The following ADAMTS9 variants were observed in gnomAD, a reference collection of about 807,000 sequenced individuals.
The protein encoded by ADAMTS9 is ADAM metallopeptidase with thrombospondin type 1 motif 9.
In ADAMTS9, 107 loss-of-function variants were observed where a neutral mutation model predicts 257.1. That is an observed-to-expected ratio of 0.42 (90% confidence interval 0.36 to 0.49). The LOEUF is 0.49. Ranked by LOEUF, ADAMTS9 falls within the 20% of genes least tolerant of loss-of-function variation. ADAMTS9 has a pLI of 0.03. For synonymous variants in ADAMTS9, 982 were observed against 880.9 expected, an observed-to-expected ratio of 1.11 and a Z score of -2.03; for missense variants, 2,353 against 2,469.1, an observed-to-expected ratio of 0.95 and a Z score of 1.00.
intron 16 of ADAMTS9, among the ~76,000 whole-genome samples, chr3:64,624,307 G>C (rs1700177058): frequency 6.9e-6 from 1 of 145,230 alleles, no homozygotes; most frequent in Non-Finnish European, 1.5e-5. Flanking sequence ...AGGAAGGAGG[G>C]AAGAAAAGAA....
chr3:64,603,132 A>G (rs2084495900), intron 25 of ADAMTS9, among the ~76,000 whole-genome samples: 1 of 152,164 alleles, frequency 6.6e-6, no homozygotes, highest in Non-Finnish European at 1.5e-5. Flanking sequence ...AGCCCTGTAA[A>G]GTAGTATTCT....
intron 26 of ADAMTS9, among the ~76,000 whole-genome samples, chr3:64,597,661 G>A (rs1033175164): frequency 2.6e-5 from 4 of 152,052 alleles, no homozygotes; most frequent in Non-Finnish European, 5.9e-5. Flanking sequence ...CTCTTCGGCC[G>A]TGCTTTCAGC....
At chr3:64,632,596 T>C (rs557808164) in intron 14 of ADAMTS9, among the ~76,000 whole-genome samples, 6 of 152,152 alleles carry the variant, frequency 3.9e-5, no homozygotes, top group Non-Finnish European at 7.4e-5. Context: ...TACACTGAAC[T>C]CTGAAACATA....
rs2083143235 is a variant in ADAMTS9 at position 64,542,774 on chromosome 3, A to T, written c.5065-804T>A. ...AAGAAATAACTAAGATCAGAGCAGA[A>T]CTGAAGGAGATAGAGACACAAAAAG... On this transcript the variant is annotated intron_variant, in intron 32 of 39. Transcript: ENST00000498707. Among the ~76,000 whole-genome samples, 4 of 152,178 alleles carry T rather than the reference A, an allele frequency of 2.6e-5. No homozygotes were observed. The South Asian group carries it at 8.3e-4, about 32-fold the overall frequency.
At chr3:64,541,456 G>A in intron 34 of ADAMTS9, 42 bp from the exon 35 acceptor site, 1 of 1,608,026 alleles carries the variant, frequency 6.2e-7, no homozygotes, top group African/African-American at 1.3e-5. Context: ...GCTCAGAAAT[G>A]AGGTAATGAG....
chr3:64,650,101 A>T (rs1700894877), intron 9 of ADAMTS9: 1 of 220,950 alleles, frequency 4.5e-6, no homozygotes, highest in South Asian at 1.3e-4. Flanking sequence ...AAGGGCAAAG[A>T]TAGTGTCTTT....
intron 31 of ADAMTS9, among the ~76,000 whole-genome samples, chr3:64,547,727 G>T (rs2083221188): frequency 2.0e-5 from 3 of 151,958 alleles, no homozygotes; most frequent in Admixed American, 1.3e-4. Context: ...TCTACCTCTT[G>T]CTCTATATCA....
intron 38 of ADAMTS9, among the ~76,000 whole-genome samples, chr3:64,527,478 G>C (rs1225263391): frequency 6.6e-6 from 1 of 151,986 alleles, no homozygotes; most frequent in Non-Finnish European, 1.5e-5. Context: ...CTGAGTTGGG[G>C]GTGGAGGTGG....
chr3:64,615,820 C>A, intron 20 of ADAMTS9, 140 bp downstream of exon 20: 4 of 1,017,304 alleles, frequency 3.9e-6, no homozygotes, highest in Non-Finnish European at 4.4e-6. Flanking sequence ...TTCTGGAAAG[C>A]TTGAATGGGG....
chr3:64,616,288 T>C, intron 19 of ADAMTS9, 118 bp from the exon 20 acceptor site: 3 of 1,094,144 alleles, frequency 2.7e-6, no homozygotes, highest in South Asian at 1.5e-5. Flanking sequence ...TCGAATACCA[T>C]GAAGCCCAAA....
chr3:64,596,643 G>C (rs1376509130), intron 27 of ADAMTS9, among the ~76,000 whole-genome samples, 187 bp downstream of exon 27: 4 of 152,072 alleles, frequency 2.6e-5, no homozygotes, highest in African/African-American at 7.2e-5. Flanking sequence ...TACCCAAACT[G>C]TCTCTTAGTG....
intron 39 of ADAMTS9, among the ~76,000 whole-genome samples, chr3:64,521,022 G>T (rs761199147): frequency 2.0e-5 from 3 of 151,994 alleles, no homozygotes; most frequent in Admixed American, 6.6e-5. Context: ...CTACAGAATA[G>T]GAGAAAACAT....
intron 12 of ADAMTS9, among the ~76,000 whole-genome samples, chr3:64,638,133 A>G (rs1700547131): frequency 6.6e-6 from 1 of 152,214 alleles, no homozygotes; most frequent in Admixed American, 6.5e-5. Context: ...CTATGAGTTT[A>G]TTATTTTTAA....
intron 3 of ADAMTS9, among the ~76,000 whole-genome samples, chr3:64,671,416 A>G (rs760448713): frequency 3.2e-4 from 48 of 152,238 alleles, no homozygotes; most frequent in Admixed American, 2.6e-4. Context: ...GCAGAACTGT[A>G]TGCTAGGAAG....
chr3:64,574,778 C>T (rs1285620518), intron 28 of ADAMTS9, among the ~76,000 whole-genome samples: 1 of 152,000 alleles, frequency 6.6e-6, no homozygotes, highest in South Asian at 2.1e-4. Context: ...AATCCTTAAG[C>T]TACACTGGAA....
intron 26 of ADAMTS9, among the ~76,000 whole-genome samples, chr3:64,599,415 G>A (rs1237220402): frequency 6.6e-6 from 1 of 152,134 alleles, no homozygotes; most frequent in Non-Finnish European, 1.5e-5. Context: ...ATCCACAATG[G>A]ACAAAATAAA....
chr3:64,632,634 A>G (rs989269113), intron 14 of ADAMTS9, among the ~76,000 whole-genome samples: 3 of 152,202 alleles, frequency 2.0e-5, no homozygotes, highest in Non-Finnish European at 4.4e-5. Flanking sequence ...AGACCAGAAG[A>G]AGAGAGTCCA....
intron 22 of ADAMTS9, among the ~76,000 whole-genome samples, chr3:64,612,449 G>A (rs2084682912): frequency 6.6e-6 from 1 of 152,186 alleles, no homozygotes; most frequent in Admixed American, 6.5e-5. Context: ...GACTGTGGAT[G>A]CTATGAAATG....
intron 28 of ADAMTS9, among the ~76,000 whole-genome samples, chr3:64,585,651 T>C (rs759938182): frequency 1.3e-5 from 2 of 152,168 alleles, no homozygotes; most frequent in Non-Finnish European, 2.9e-5. Context: ...TGAACAGATG[T>C]AAAGTCACCT....
Sources: allele counts gnomAD v4.1 joint callset (sites outside exome capture counted in the v4.1 genomes callset), GRCh38; gene constraint gnomAD v4.1.1; transcripts MANE v1.5; gene names NCBI Gene and HGNC (gene_info 2026-07-23, HGNC 2026-07-21).